The following ATAD2 variants were observed in gnomAD, a reference collection of about 807,000 sequenced individuals.
ATAD2 encodes ATPase family AAA domain-containing protein 2.
A neutral mutation model predicts 168.9 loss-of-function variants in ATAD2; 62 were observed. The ratio of observed to expected loss-of-function variants is 0.37; its 90% confidence interval spans 0.30 to 0.45. The LOEUF (loss-of-function observed/expected upper bound fraction) is 0.45, where lower values mean the gene tolerates loss of function less well. Among genes scored for constraint, ATAD2 ranks in the 20% least tolerant of loss-of-function variants. The pLI is 1.00. For missense variants in ATAD2, 1,419 were observed against 1,667.8 expected (o/e 0.85, Z 2.60); for synonymous variants, 613 against 571.6 (o/e 1.07, Z -1.03).
At chr8:123,376,060 G>A (rs929589367) in intron 2 of ATAD2, among the ~76,000 whole-genome samples, 3 of 150,840 alleles carry the variant, frequency 2.0e-5, no homozygotes, top group African/African-American at 7.3e-5. Context: ...AGCCAAGATT[G>A]AGCCACTGCA....
intron 24 of ATAD2, among the ~76,000 whole-genome samples, chr8:123,330,034 C>T (rs1449860855): frequency 1.5e-5 from 2 of 134,936 alleles, no homozygotes; most frequent in Admixed American, 7.9e-5. Flanking sequence ...GTCACCCAGG[C>T]TGGAGTGCTG....
Position 123,396,275 on chromosome 8 carries a change from A to G in ATAD2, c.83T>C (p.Phe28Ser), listed in dbSNP as rs1011260163. ...CCGGCCGATGTGCTCCAGACTGAGG[A>G]AGTCACTGGACAGGTCCAAGGAGCC... Reference protein sequence around the residue: ...ATGSLDLSSDFLSLEHIGRRR... With the variant: ...ATGSLDLSSDSLSLEHIGRRR... Residue 28 changes from phenylalanine (F) to serine (S), a missense_variant, in exon 1 of 28, where the codon TTC becomes TCC. Physicochemically the swap from Phe to Ser is radical, Grantham distance 155 (BLOSUM62 -2). Coordinates refer to ENST00000287394, the MANE Select transcript of ATAD2 (RefSeq NM_014109.4). 1 of 1,611,466 alleles carries G rather than the reference A, an allele frequency of 6.2e-7. No homozygotes were observed. Among genetic ancestry groups the G allele is most frequent in the African/African-American group, 1.3e-5 (1 of 74,964 alleles).
At chr8:123,360,667 C>T (rs1828786243) in intron 9 of ATAD2, among the ~76,000 whole-genome samples, 1 of 151,930 alleles carries the variant, frequency 6.6e-6, no homozygotes, top group South Asian at 2.1e-4. Context: ...TCGAGACCAG[C>T]CTAGCTTCTA....
chr8:123,406,147 C>CA (rs1365092704), intron 1 of ATAD2, among the ~76,000 whole-genome samples: 1 of 152,092 alleles, frequency 6.6e-6, no homozygotes, highest in African/African-American at 2.4e-5. Flanking sequence ...AAGGCCGAGG[C>CA]AGGCGGATCA....
chr8:123,375,412 C>T (rs1829278152), intron 2 of ATAD2, among the ~76,000 whole-genome samples: 1 of 152,180 alleles, frequency 6.6e-6, no homozygotes, highest in Non-Finnish European at 1.5e-5. Flanking sequence ...GACCCTCATA[C>T]ATTGGTGGTA....
In ATAD2 at chr8:123,328,340, T is replaced by C. The variant is rs1586855108; in HGVS notation, c.3718A>G (p.Arg1240Gly). ...QNASESKLEL[R>G]NNSNTCNIEN... ...ATATTACAAGTATTTGAATTATTTC[T>C]CAATTCCAGTTTGCTTTCAGAGGCA... Residue 1240 changes from arginine to glycine, a missense_variant, in exon 25 of 28, where the codon AGA (arginine) becomes GGA (glycine). By Grantham distance (125) the Arg-to-Gly change is moderately radical (BLOSUM62 -2). Transcript: ENST00000287394. 1 of 1,607,988 alleles carries C rather than the reference T, an allele frequency of 6.2e-7. No individual in the cohort carries two copies. The highest frequency in any genetic ancestry group is 1.7e-5 in the Admixed American group (1 of 58,924).
intron 1 of ATAD2, among the ~76,000 whole-genome samples, chr8:123,413,209 C>T (rs1212142522): frequency 7.4e-6 from 1 of 135,638 alleles, no homozygotes; most frequent in Non-Finnish European, 1.5e-5. Context: ...TTTCACTTCC[C>T]TGGCTCTAAT....
intron 1 of ATAD2, chr8:123,416,228 CTG>C (rs1188237071): frequency 6.6e-6 from 1 of 152,514 alleles, no homozygotes; most frequent in African/African-American, 2.4e-5. Context: ...ACCCAAACCT[CTG>C]TTATTTCAGT....
chr8:123,357,818 T>C (rs983955925), intron 11 of ATAD2, 82 bp from the exon 12 acceptor site: 11 of 1,296,964 alleles, frequency 8.5e-6, no homozygotes, highest in Non-Finnish European at 1.1e-5. Context: ...AATTTCATGA[T>C]TCATTTAATT....
intron 16 of ATAD2, 103 bp downstream of exon 16, chr8:123,346,989 T>C: frequency 7.7e-7 from 1 of 1,306,814 alleles, no homozygotes; most frequent in Non-Finnish European, 1.0e-6. Context: ...TACCAAATTC[T>C]TTTCAAGAGA....
At chr8:123,337,363 CA>C (rs537282135) in intron 21 of ATAD2, among the ~76,000 whole-genome samples, 60 of 139,116 alleles carry the variant, frequency 4.3e-4, no homozygotes, top group Admixed American at 6.5e-4. Context: ...AACTCCGTTT[CA>C]AAAAAAAAAA....
In ATAD2 at chr8:123,334,208, T is replaced by C; in HGVS notation, c.3326A>G (p.Lys1109Arg). Residue 1109 changes from lysine to arginine, a missense_variant, in exon 23 of 28, where the codon AAG becomes AGG. Lys to Arg is a conservative substitution (Grantham distance 26). Transcript: ENST00000287394. ...CCAAATCACTTTCCTACCTCTTTTC[T>C]TTCTAGATTCCTGAATTTCTTCACA... ...QLCEEIQESR[K>R]KRGCSSSKYA... 1 of 1,582,526 alleles carries C rather than the reference T, an allele frequency of 6.3e-7. No individual in the cohort carries two copies. Among genetic ancestry groups the C allele is most frequent in the East Asian group, 2.2e-5 (1 of 44,762 alleles).
At position 123,371,802 on chromosome 8, in the gene ATAD2, G is replaced by C. The variant is rs1033743751; in HGVS notation, c.404C>G (p.Ala135Gly). The C allele has an allele frequency of 2.5e-6, 4 of 1,607,926 alleles. No homozygotes were observed. The African/African-American group carries it at 5.4e-5, about 22-fold the overall frequency. The change falls in exon 4 of 28, where the codon GCT becomes GGT. Residue 135 changes from alanine (A) to glycine (G), a missense_variant. Ala to Gly is a moderately conservative substitution (Grantham distance 60, BLOSUM62 0). Coordinates refer to ENST00000287394, the MANE Select transcript of ATAD2 (RefSeq NM_014109.4). Reference protein sequence around the residue: ...KVIPVTRSLRARNIVQSTEHL... With the variant: ...KVIPVTRSLRGRNIVQSTEHL... ...TTCTGTACTTTGAACGATGTTTCTA[G>C]CCCTCAATGACCGAGTAACTGGAAT...
chr8:123,356,956 T>A (rs1483797266), intron 12 of ATAD2, among the ~76,000 whole-genome samples: 1 of 152,132 alleles, frequency 6.6e-6, no homozygotes, highest in Admixed American at 6.5e-5. Context: ...ATAGCTATCG[T>A]TCCTGGACAC....
upstream of ATAD2, chr8:123,401,428 T>A (rs568521926): frequency 1.4e-5 from 19 of 1,396,374 alleles, no homozygotes; most frequent in East Asian, 3.4e-4. Flanking sequence ...TCAACTGCCA[T>A]GGTGTATTAC....
intron 24 of ATAD2, among the ~76,000 whole-genome samples, chr8:123,332,908 T>C (rs533475565): frequency 9.2e-5 from 14 of 152,226 alleles, no homozygotes; most frequent in South Asian, 8.3e-4. Context: ...GAAGGCCTCT[T>C]GCTAATTTTC....
At chr8:123,414,265 T>C (rs898342701) in intron 1 of ATAD2, among the ~76,000 whole-genome samples, 3 of 152,084 alleles carry the variant, frequency 2.0e-5, no homozygotes, top group African/African-American at 7.2e-5. Context: ...TATGAGGTAG[T>C]AGCATTATCT....
chr8:123,331,487 G>A (rs528704062), intron 24 of ATAD2, among the ~76,000 whole-genome samples: 127 of 151,008 alleles, frequency 8.4e-4, no homozygotes, highest in African/African-American at 2.5e-3. Context: ...TGATCCACCC[G>A]CCTCAGCCTC....
rs949665106 is a variant in ATAD2, at chr8:123,367,400, G to A, written c.1049+1658C>T. On this transcript the variant is annotated intron_variant, in intron 8 of 27. Transcript: ENST00000287394. ...CCACTGCACTCCAGCCTGGGCGAGA[G>A]AGTGAGATTTCCTCTTAAACAAAAC... is the stretch of plus-strand genomic sequence containing the variant. 3.0e-4 allele frequency among the ~76,000 whole-genome samples: 45 copies of A among 152,278 alleles called. 1 individual carries two copies. Among genetic ancestry groups the A allele is most frequent in the Admixed American group, 1.4e-3 (21 of 15,294 alleles).
Sources: gnomAD v4.1 joint callset for allele counts (sites outside exome capture counted in the v4.1 genomes callset) on GRCh38, gnomAD v4.1.1 for gene constraint, MANE v1.5 for transcripts, NCBI Gene and HGNC (gene_info 2026-07-23, HGNC 2026-07-21) for gene names.